TTC19: variants seen among roughly 807,000 people sequenced by gnomAD.
TTC19 encodes tetratricopeptide repeat domain 19.
In TTC19, 38 loss-of-function variants were observed where a neutral mutation model predicts 49.5. The ratio of observed to expected loss-of-function variants is 0.77; its 90% CI spans 0.59 to 1.01. The LOEUF (loss-of-function observed/expected upper bound fraction) is 1.01. Among genes scored for constraint, TTC19 ranks in the 50% least tolerant of loss-of-function variants. TTC19 has a pLI of 0.00. For synonymous variants in TTC19, 204 were observed against 185.2 expected (o/e 1.10, Z -0.83); for missense variants, 475 against 477.7 (o/e 0.99, Z 0.05).
In TTC19 at chr17:16,025,107, C is replaced by A; in HGVS notation, c.767C>A (p.Ala256Glu). Residue 256 changes from alanine to glutamate, a missense_variant, in exon 8 of 10, where the codon GCA becomes GAA. Coordinates refer to ENST00000261647, the MANE Select transcript of TTC19 (RefSeq NM_017775.4). ...CTGTTCTCCAAGCAGCCGTCACAGG[C>A]ACAAAGGATGTATGAAAAAGCTCTG... Reference protein sequence around the residue: ...YLLFSKQPSQAQRMYEKALQI... With the variant: ...YLLFSKQPSQEQRMYEKALQI... The A allele has an allele frequency of 1.9e-6, 3 of 1,613,836 alleles. No individual in the cohort carries two copies. The highest frequency in any genetic ancestry group is 2.5e-6 in the Non-Finnish European group (3 of 1,179,864).
intron 7 of TTC19, among the ~76,000 whole-genome samples, chr17:16,021,470 C>T (rs1971383258): frequency 6.6e-6 from 1 of 152,126 alleles, no homozygotes; most frequent in African/African-American, 2.4e-5. Context: ...TAAGCACTAC[C>T]CAGTAAGTTG....
rs1971568372 is a variant in TTC19, at chr17:16,026,546, G to A, written c.838G>A (p.Val280Met). 1 of 1,613,960 alleles carries A rather than the reference G, an allele frequency of 6.2e-7. No individual in the cohort carries two copies. Among genetic ancestry groups the A allele is most frequent in the African/African-American group, 1.3e-5 (1 of 74,912 alleles). ...TTTTTTCTTTTACATACAGACCATT[G>A]TGCTGATGAGTGACCTGGCTACTAC... Reference protein sequence around the residue: ...IQGERHPQTIVLMSDLATTLD... With the variant: ...IQGERHPQTIMLMSDLATTLD... Residue 280 changes from valine (V) to methionine (M), a missense_variant, in exon 9 of 10, where the codon GTG becomes ATG. Physicochemically the swap from Val to Met is conservative, Grantham distance 21. Coordinates refer to ENST00000261647, the MANE Select transcript of TTC19 (RefSeq NM_017775.4).
chr17:16,025,143 A>T lies in TTC19; in HGVS notation c.803A>T (p.Glu268Val). The T allele has an allele frequency of 6.2e-7, 1 of 1,614,020 alleles. No homozygotes were observed. Among genetic ancestry groups the T allele is most frequent in the South Asian group, 1.1e-5 (1 of 91,072 alleles). ...RMYEKALQIS[E>V]EIQGERHPQT... is the part of the protein sequence containing the mutation. Reference sequence around the variant, plus strand: ...TATGAAAAAGCTCTGCAGATTTCTGAAGAAATACAAGGAGAAAGACACCCA... The same window carrying T: ...TATGAAAAAGCTCTGCAGATTTCTGTAGAAATACAAGGAGAAAGACACCCA... The change falls in exon 8 of 10, where the codon GAA (glutamate) becomes GTA (valine). Residue 268 changes from glutamate to valine, a missense_variant. Physicochemically the swap from Glu to Val is moderately radical, Grantham distance 121 (BLOSUM62 -2). Coordinates refer to ENST00000261647, the MANE Select transcript of TTC19 (RefSeq NM_017775.4).
intron 7 of TTC19, among the ~76,000 whole-genome samples, chr17:16,012,227 G>T (rs898298427): frequency 3.3e-5 from 5 of 152,044 alleles, no homozygotes; most frequent in Admixed American, 1.3e-4. Flanking sequence ...AGTGGCTCAC[G>T]CCTGTAATCC....
At chr17:16,025,570 A>G (rs1971526701) in intron 8 of TTC19, among the ~76,000 whole-genome samples, 1 of 152,206 alleles carries the variant, frequency 6.6e-6, no homozygotes, top group Non-Finnish European at 1.5e-5. Flanking sequence ...TTAAAATGGC[A>G]AGAGGTGAGG....
chr17:16,010,518 A>G, intron 7 of TTC19, among the ~76,000 whole-genome samples: 1 of 148,122 alleles, frequency 6.8e-6, no homozygotes, highest in Non-Finnish European at 1.5e-5. Context: ...TCTGTCGCCC[A>G]GGCTGGAGTG....
intron 4 of TTC19, among the ~76,000 whole-genome samples, chr17:16,003,171 C>T (rs935281913): frequency 1.3e-5 from 2 of 152,156 alleles, no homozygotes; most frequent in Non-Finnish European, 2.9e-5. Flanking sequence ...TAGAAGTTCA[C>T]GTTCTTTCTG....
intron 7 of TTC19, among the ~76,000 whole-genome samples, chr17:16,015,490 T>C (rs982178095): frequency 6.6e-6 from 1 of 152,178 alleles, no homozygotes; most frequent in African/African-American, 2.4e-5. Context: ...ATCCTAATTT[T>C]ATGGATTTCC....
intron 7 of TTC19, among the ~76,000 whole-genome samples, chr17:16,014,781 C>T (rs926412885): frequency 6.6e-6 from 1 of 152,098 alleles, no homozygotes; most frequent in Admixed American, 6.5e-5. Flanking sequence ...TAATTGTTTC[C>T]TTCCAGAGAG....
chr17:16,044,665 T>G lies in TTC19; in HGVS notation c.*110T>G, dbSNP rs983685227. 6.1e-6 allele frequency: 4 copies of G among 658,960 alleles called. No individual in the cohort carries two copies. The African/African-American group carries it at 7.2e-5, about 12-fold the overall frequency. The allele number at this position is 658,960 out of a possible 1,614,324, so 40.8% of individuals were successfully genotyped here. On this transcript the variant is annotated 3_prime_UTR_variant, in exon 3 of 3. Transcript: ENST00000470649. Reference sequence around the variant, plus strand: ...TCGCCTGCATCTACTCAGCCCTCACTCTGCATGACAATGAGGTGACCATCA... The same window carrying G: ...TCGCCTGCATCTACTCAGCCCTCACGCTGCATGACAATGAGGTGACCATCA...
downstream of TTC19, chr17:16,030,208 A>C (rs1971805730): frequency 4.4e-6 from 1 of 226,390 alleles, no homozygotes; most frequent in Non-Finnish European, 8.6e-6. Flanking sequence ...ACTATTCATT[A>C]AGTGGAAGTG....
Position 16,025,027 on chromosome 17 carries a change from A to G in TTC19, c.687A>G (p.Lys229=), listed in dbSNP as rs368258821. 7 of 1,613,928 alleles carry G rather than the reference A, an allele frequency of 4.3e-6. No homozygotes were observed. Among genetic ancestry groups the G allele is most frequent in the East Asian group, 2.2e-5 (1 of 44,880 alleles). ...CTCTTTTCTCCTTAGTGGAAGAGAAAGCCAATACCCACCTCCTCTTGGGCA... is the reference window on the plus strand; with the variant it reads ...CTCTTTTCTCCTTAGTGGAAGAGAAGGCCAATACCCACCTCCTCTTGGGCA... ...LAEDIMSVEE[K]ANTHLLLGMC... is the part of the protein sequence containing the mutation. The change falls in exon 8 of 10, where the codon AAA becomes AAG. Residue 229 remains lysine (K), a synonymous_variant. Transcript: ENST00000261647.
chr17:16,043,907 C>T (rs1439783095), intron 2 of TTC19, among the ~76,000 whole-genome samples: 3 of 152,128 alleles, frequency 2.0e-5, no homozygotes, highest in African/African-American at 4.8e-5. Flanking sequence ...CAGTGGTTCA[C>T]GCCTGTAATC....
downstream of TTC19, chr17:16,031,123 T>A (rs1055763473): frequency 5.2e-6 from 1 of 194,080 alleles, no homozygotes; most frequent in African/African-American, 2.3e-5. Flanking sequence ...GTCTTTTAAA[T>A]TATTTGCACC....
At position 15,999,983 on chromosome 17, in the gene TTC19, C is replaced by T. The variant is rs1970665021; in HGVS notation, c.135C>T (p.Ser45=). The change falls in exon 1 of 10, where the codon TCC becomes TCT. Residue 45 remains serine (S), a synonymous_variant. Transcript: ENST00000261647. ...GPGPEVQVPP[S]RVAPHGRGPG... is the part of the protein sequence containing the mutation. Reference sequence around the variant, plus strand: ...GGCCCGAGGTGCAGGTGCCGCCATCCCGAGTCGCGCCGCACGGCCGGGGCC... The same window carrying T: ...GGCCCGAGGTGCAGGTGCCGCCATCTCGAGTCGCGCCGCACGGCCGGGGCC... The T allele has an allele frequency of 7.8e-7, 1 of 1,275,896 alleles. No individual in the cohort carries two copies. The highest frequency in any genetic ancestry group is 9.9e-7 in the Non-Finnish European group (1 of 1,013,802). The allele number at this position is 1,275,896 out of a possible 1,614,324, so 79.0% of individuals were successfully genotyped here. A position where few individuals can be genotyped will look rare whatever the true frequency, so the allele number is the denominator to read the frequency against.
chr17:16,040,737 G>A, intron 2 of TTC19: 1 of 532,410 alleles, frequency 1.9e-6, no homozygotes, highest in Non-Finnish European at 3.5e-6. Context: ...AACATCAAAA[G>A]AAGAGCAATA....
rs1374757579 is a variant in TTC19, at chr17:16,028,115, C to A, written c.*593C>A. The A allele has an allele frequency of 6.6e-6, 3 of 453,848 alleles. No homozygotes were observed. The highest frequency in any genetic ancestry group is 1.3e-5 in the Non-Finnish European group (3 of 226,764). The allele number at this position is 453,848 out of a possible 1,614,324, so 28.1% of individuals were successfully genotyped here. On this transcript the variant is annotated 3_prime_UTR_variant, in exon 10 of 10. Coordinates refer to ENST00000261647, the MANE Select transcript of TTC19 (RefSeq NM_017775.4). ...GGATTAGGCACGTGACAGTATAGCA[C>A]CCATTTGAATTTAAATAAAAGTGAA...
intron 3 of TTC19, 75 bp from the exon 4 acceptor site, chr17:16,002,718 A>G: frequency 2.1e-6 from 3 of 1,434,266 alleles, no homozygotes; most frequent in South Asian, 2.3e-5. Flanking sequence ...TGAAAGCAAA[A>G]GGGAATTTTA....
At chr17:16,034,881 G>C (rs945542693) in intron 2 of TTC19, 1 of 1,614,064 alleles carries the variant, frequency 6.2e-7, no homozygotes, top group Admixed American at 1.7e-5. Context: ...GCCTTGCCCA[G>C]GTATAGGAGA....
Sources: gnomAD v4.1 joint callset for allele counts (sites outside exome capture counted in the v4.1 genomes callset) on GRCh38, gnomAD v4.1.1 for gene constraint, MANE v1.5 for transcripts, NCBI Gene and HGNC (gene_info 2026-07-23, HGNC 2026-07-21) for gene names.